The following MDGA2 variants were observed in gnomAD, a reference collection of about 807,000 sequenced individuals.
MDGA2 encodes MAM domain containing glycosylphosphatidylinositol anchor 2.
A neutral mutation model predicts 117.8 loss-of-function variants in MDGA2; 40 were observed. That is an observed-to-expected ratio of 0.34 (90% confidence interval 0.26 to 0.44). MDGA2 has a LOEUF of 0.44. Ranked by LOEUF, MDGA2 falls within the 20% of genes least tolerant of loss-of-function variation. The probability of loss-of-function intolerance (pLI) is 1.00; values close to 1 mark genes in which losing one functional copy is unlikely to be tolerated. For missense variants in MDGA2, 1,123 were observed against 1,250.6 expected (o/e 0.90, Z 1.54); for synonymous variants, 452 against 439.0 (o/e 1.03, Z -0.37).
At chr14:47,561,186 T>TC (rs1895808383) in intron 1 of MDGA2, among the ~76,000 whole-genome samples, 1 of 115,970 alleles carries the variant, frequency 8.6e-6, no homozygotes, top group African/African-American at 2.8e-5. Context: ...TTTGTTTTTT[T>TC]TTGCTTAGGA....
intron 7 of MDGA2, among the ~76,000 whole-genome samples, chr14:47,040,049 TA>T (rs940395822): frequency 1.2e-4 from 19 of 152,080 alleles, no homozygotes; most frequent in African/African-American, 4.6e-4. Context: ...AAATTTATTT[TA>T]AAAAAATTTT....
intron 2 of MDGA2, among the ~76,000 whole-genome samples, chr14:47,272,439 G>A (rs1888175232): frequency 6.6e-6 from 1 of 152,146 alleles, no homozygotes; most frequent in Non-Finnish European, 1.5e-5. Flanking sequence ...TCATGGTCAA[G>A]AGAAGAAGAA....
chr14:47,457,812 G>GT (rs34337535), intron 1 of MDGA2, among the ~76,000 whole-genome samples: 67,101 of 143,396 alleles, frequency 0.47, 16,693 homozygotes, highest in African/African-American at 0.67. Flanking sequence ...ATTTTTTTCT[G>GT]TTTTTTTTTT....
intron 4 of MDGA2, among the ~76,000 whole-genome samples, chr14:47,135,893 T>C (rs1353609485): frequency 6.6e-6 from 1 of 152,146 alleles, no homozygotes; most frequent in East Asian, 1.9e-4. Context: ...TCAAAAAATA[T>C]ATTGTGACTG....
intron 1 of MDGA2, among the ~76,000 whole-genome samples, chr14:47,481,242 C>T (rs996498759): frequency 6.6e-6 from 1 of 151,950 alleles, no homozygotes; most frequent in Non-Finnish European, 1.5e-5. Context: ...AGAATCAGTA[C>T]TATTTCCAGA....
rs1263112011 is a variant in MDGA2 at position 47,104,694 on chromosome 14, TC to T, written c.926-7572del. Reference sequence around the variant, plus strand: ...CGTGCATGAAATTTGGTGCCGTGACTCAGATCGGGGGACCTCCCTTGGGAGA... The same window carrying T: ...CGTGCATGAAATTTGGTGCCGTGACTAGATCGGGGGACCTCCCTTGGGAGA... On this transcript the variant is annotated intron_variant, in intron 5 of 16. Coordinates refer to ENST00000399232, the MANE Select transcript of MDGA2 (RefSeq NM_001113498.3). 9.2e-5 allele frequency among the ~76,000 whole-genome samples: 14 copies of T among 152,246 alleles called. No homozygotes were observed. In the East Asian group the frequency reaches 2.5e-3, roughly 27 times the overall value.
intron 14 of MDGA2, among the ~76,000 whole-genome samples, chr14:46,856,376 C>T (rs759919757): frequency 1.3e-5 from 2 of 152,068 alleles, no homozygotes; most frequent in Non-Finnish European, 2.9e-5. Flanking sequence ...AAAATCAATG[C>T]ATCTTGATTG....
chr14:47,099,863 A>G (rs1406220175), intron 5 of MDGA2, among the ~76,000 whole-genome samples: 1 of 152,034 alleles, frequency 6.6e-6, no homozygotes, highest in Non-Finnish European at 1.5e-5. Flanking sequence ...AATAGCTAGT[A>G]CAAAGGATGC....
At chr14:47,162,937 C>T (rs1883704425) in intron 3 of MDGA2, among the ~76,000 whole-genome samples, 1 of 152,172 alleles carries the variant, frequency 6.6e-6, no homozygotes, top group East Asian at 1.9e-4. Context: ...ATGAATGTAC[C>T]TGACAAATAA....
chr14:47,354,323 C>G (rs181795613), intron 1 of MDGA2, among the ~76,000 whole-genome samples: 1 of 152,122 alleles, frequency 6.6e-6, no homozygotes, highest in Non-Finnish European at 1.5e-5. Flanking sequence ...TGAAAAAGTA[C>G]CTACCTGCAA....
At chr14:46,896,668 T>C (rs905213049) in intron 10 of MDGA2, among the ~76,000 whole-genome samples, 22 of 152,158 alleles carry the variant, frequency 1.4e-4, no homozygotes, top group African/African-American at 5.3e-4. Flanking sequence ...AACTTCAAGC[T>C]CTCTATACGT....
chr14:47,508,322 G>T, intron 1 of MDGA2, among the ~76,000 whole-genome samples: 1 of 144,154 alleles, frequency 6.9e-6, no homozygotes, highest in African/African-American at 2.6e-5. Flanking sequence ...TTAATTAGTG[G>T]CAGCCACATA....
At chr14:46,865,469 G>A (rs1423377914) in intron 14 of MDGA2, among the ~76,000 whole-genome samples, 1 of 152,124 alleles carries the variant, frequency 6.6e-6, no homozygotes, top group Non-Finnish European at 1.5e-5. Flanking sequence ...CATTCCCTTT[G>A]AAAACTGGCA....
chr14:47,326,139 G>A lies in MDGA2; in HGVS notation c.281-24589C>T, dbSNP rs573571303. 4.6e-5 allele frequency among the ~76,000 whole-genome samples: 7 copies of A among 152,210 alleles called. No individual in the cohort carries two copies. The Middle Eastern group carries it at 0.01, about 222-fold the overall frequency. On this transcript the variant is annotated intron_variant, in intron 1 of 16. Coordinates refer to ENST00000399232, the MANE Select transcript of MDGA2 (RefSeq NM_001113498.3). ...ACTTCCTACTAAATTACCTACTTCAGTGAATGGTACCAAAAAAATCACACA... is the reference window on the plus strand; with the variant it reads ...ACTTCCTACTAAATTACCTACTTCAATGAATGGTACCAAAAAAATCACACA...
chr14:47,138,543 C>T (rs1882565482), intron 4 of MDGA2, among the ~76,000 whole-genome samples: 1 of 151,996 alleles, frequency 6.6e-6, no homozygotes, highest in African/African-American at 2.4e-5. Flanking sequence ...ATATATTTAA[C>T]TTTTGACATT....
At chr14:47,627,235 C>T (rs570666477) in intron 1 of MDGA2, among the ~76,000 whole-genome samples, 20 of 152,208 alleles carry the variant, frequency 1.3e-4, no homozygotes, top group African/African-American at 3.4e-4. Flanking sequence ...CCAATTGGCA[C>T]TCTGTGTCTA....
intron 1 of MDGA2, among the ~76,000 whole-genome samples, chr14:47,531,562 A>G (rs538125523): frequency 6.6e-6 from 1 of 152,322 alleles, no homozygotes; most frequent in East Asian, 1.9e-4. Context: ...TTGGATAATA[A>G]TAACATCTGC....
At chr14:47,318,790 G>T (rs1889886450) in intron 1 of MDGA2, among the ~76,000 whole-genome samples, 1 of 151,444 alleles carries the variant, frequency 6.6e-6, no homozygotes. Context: ...GAAAGGAGGG[G>T]AGGGGGGAAA....
At chr14:46,846,980 C>T (rs1047630432) in intron 15 of MDGA2, among the ~76,000 whole-genome samples, 2 of 152,048 alleles carry the variant, frequency 1.3e-5, no homozygotes, top group African/African-American at 4.8e-5. Flanking sequence ...TTGAAAACAT[C>T]TCCTCAAAGG....
Sources: allele counts gnomAD v4.1 joint callset (sites outside exome capture counted in the v4.1 genomes callset), GRCh38; gene constraint gnomAD v4.1.1; transcripts MANE v1.5; gene names NCBI Gene and HGNC (gene_info 2026-07-23, HGNC 2026-07-21).